Variants in CDH4 observed in about 807,000 individuals in gnomAD.
CDH4 encodes the protein cadherin 4.
CDH4 carries 33 observed loss-of-function variants against 86.0 expected under a neutral mutation model. The ratio of observed to expected loss-of-function variants is 0.38; its 90% CI spans 0.29 to 0.51. CDH4 has a LOEUF of 0.51. CDH4 is among the 20% of genes least tolerant of loss of function. The probability of loss-of-function intolerance (pLI) is 0.86; values close to 1 mark genes in which losing one functional copy is unlikely to be tolerated. For missense variants in CDH4, 1,114 were observed against 1,307.4 expected, an observed-to-expected ratio of 0.85 and a Z score of 2.28; for synonymous variants, 555 against 549.4, an observed-to-expected ratio of 1.01 and a Z score of -0.14.
intron 5 of CDH4, among the ~76,000 whole-genome samples, chr20:61,848,987 C>T (rs1267442605): frequency 6.6e-6 from 1 of 152,168 alleles, no homozygotes; most frequent in Non-Finnish European, 1.5e-5. Context: ...GTTTTATCAT[C>T]CTCATTTCCC....
intron 2 of CDH4, chr20:61,434,968 C>T (rs973132704): frequency 1.3e-5 from 2 of 152,142 alleles, no homozygotes; most frequent in African/African-American, 2.4e-5. Context: ...TTTAGGACTC[C>T]ATCATGATGT....
intron 8 of CDH4, 25 bp from the exon 9 acceptor site, chr20:61,910,397 G>A (rs1279446496): frequency 5.6e-6 from 9 of 1,607,084 alleles, no homozygotes; most frequent in Admixed American, 1.7e-5. Context: ...ACGGGTTTGT[G>A]ACATTCTTTC....
intron 2 of CDH4, among the ~76,000 whole-genome samples, chr20:61,581,971 C>T (rs541294024): frequency 5.3e-5 from 8 of 152,216 alleles, no homozygotes; most frequent in South Asian, 2.1e-4. Context: ...TCCCAGCGTT[C>T]GGCATGGCTG....
At chr20:61,331,698 G>GGCCCACCTCCTGCCCCGGCCACCTGCCCC (rs1568801283) in intron 2 of CDH4, among the ~76,000 whole-genome samples, 216 of 143,052 alleles carry the variant, frequency 1.5e-3, no homozygotes, top group Middle Eastern at 3.8e-3. Flanking sequence ...ACCTGCCCCA[G>GGCCCACCTCCTGCCCCGGCCACCTGCCCC]AGCCACCTCC....
At chr20:61,901,815 C>T (rs1450351725) in intron 8 of CDH4, among the ~76,000 whole-genome samples, 5 of 152,232 alleles carry the variant, frequency 3.3e-5, no homozygotes, top group African/African-American at 4.8e-5. Context: ...GTCCCATTTC[C>T]GCTCATTCAG....
At chr20:61,369,224 G>A (rs1185004321) in intron 2 of CDH4, among the ~76,000 whole-genome samples, 3 of 152,004 alleles carry the variant, frequency 2.0e-5, no homozygotes, top group Non-Finnish European at 2.9e-5. Context: ...AGGCTGAGGC[G>A]GGCAGATCAT....
At chr20:61,826,323 G>A (rs1057126283) in intron 4 of CDH4, among the ~76,000 whole-genome samples, 2 of 152,160 alleles carry the variant, frequency 1.3e-5, no homozygotes, top group Non-Finnish European at 2.9e-5. Context: ...CTAAGCTCCC[G>A]GCCCAGCGCC....
At chr20:61,605,572 T>C (rs1292050215) in intron 2 of CDH4, among the ~76,000 whole-genome samples, 2 of 151,930 alleles carry the variant, frequency 1.3e-5, no homozygotes, top group African/African-American at 4.8e-5. Context: ...TCCCTCTCTC[T>C]GTCTCTGCCT....
rs1026319415 is a variant in CDH4, at chr20:61,922,900, C to T, written c.1375-551C>T. ...CGTCCTGAAGCCCTGGGATTACAGG[C>T]GTGCATGACCGCACCCAGCCCTGCC... On this transcript the variant is annotated intron_variant, in intron 9 of 15. Transcript: ENST00000614565. Among the ~76,000 whole-genome samples, 78 of 152,242 alleles carry T rather than the reference C, an allele frequency of 5.1e-4. 3 individuals are homozygous for T. The highest frequency in any genetic ancestry group is 2.2e-4 in the Non-Finnish European group (15 of 68,040).
intron 2 of CDH4, among the ~76,000 whole-genome samples, chr20:61,376,899 C>G (rs912721824): frequency 6.6e-6 from 1 of 152,234 alleles, no homozygotes; most frequent in Admixed American, 6.5e-5. Context: ...ATGCCCTGAT[C>G]TGACAGCCTT....
At chr20:61,265,324 C>T (rs1271916865) in intron 2 of CDH4, among the ~76,000 whole-genome samples, 2 of 149,362 alleles carry the variant, frequency 1.3e-5, no homozygotes, top group African/African-American at 5.2e-5. Context: ...CCCAGTGGCT[C>T]CTTCATTCAG....
At chr20:61,391,907 T>A (rs2084988158) in intron 2 of CDH4, among the ~76,000 whole-genome samples, 3 of 151,914 alleles carry the variant, frequency 2.0e-5, no homozygotes, top group Non-Finnish European at 1.5e-5. Flanking sequence ...CTCTGGGATT[T>A]TTTTCTGCCA....
At chr20:61,385,846 G>A (rs957430185) in intron 2 of CDH4, among the ~76,000 whole-genome samples, 2 of 152,158 alleles carry the variant, frequency 1.3e-5, no homozygotes, top group African/African-American at 4.8e-5. Context: ...GAGCCCCCGA[G>A]TGCCCAGGCC....
intron 2 of CDH4, among the ~76,000 whole-genome samples, chr20:61,547,254 C>T (rs1213484357): frequency 1.4e-5 from 2 of 146,502 alleles, no homozygotes; most frequent in Non-Finnish European, 3.0e-5. Flanking sequence ...ACTCTGTCTC[C>T]CAGGCTGGAG....
intron 6 of CDH4, among the ~76,000 whole-genome samples, chr20:61,870,253 C>T (rs142528934): frequency 3.3e-5 from 5 of 152,298 alleles, no homozygotes; most frequent in African/African-American, 4.8e-5. Flanking sequence ...GCAGGCCATC[C>T]GTGAGATTTC....
intron 2 of CDH4, among the ~76,000 whole-genome samples, chr20:61,562,073 G>A (rs1338694151): frequency 1.2e-4 from 17 of 146,096 alleles, no homozygotes; most frequent in African/African-American, 4.3e-4. Flanking sequence ...GAGAGAGAGA[G>A]GGGCCTCCGT....
At chr20:61,452,434 G>T (rs1331775109) in intron 2 of CDH4, among the ~76,000 whole-genome samples, 1 of 152,090 alleles carries the variant, frequency 6.6e-6, no homozygotes, top group Non-Finnish European at 1.5e-5. Context: ...TTATATAAAA[G>T]CGTTCAGACT....
intron 6 of CDH4, 144 bp downstream of exon 6, chr20:61,853,042 A>AC: frequency 1.2e-6 from 1 of 838,022 alleles, no homozygotes; most frequent in Non-Finnish European, 1.8e-6. Context: ...CATGCAGCAG[A>AC]CGTCCACCAA....
chr20:61,260,049 A>G (rs1243662037), intron 2 of CDH4, among the ~76,000 whole-genome samples: 2 of 152,194 alleles, frequency 1.3e-5, no homozygotes, highest in East Asian at 1.9e-4. Flanking sequence ...CTGAGTGGTG[A>G]GAAAAATAAG....
Sources: gnomAD v4.1 joint callset for allele counts (sites outside exome capture counted in the v4.1 genomes callset) on GRCh38, gnomAD v4.1.1 for gene constraint, MANE v1.5 for transcripts, NCBI Gene and HGNC (gene_info 2026-07-23, HGNC 2026-07-21) for gene names.